The following TRPM6 variants were observed in gnomAD, a reference collection of about 807,000 sequenced individuals.
TRPM6 encodes the protein transient receptor potential cation channel subfamily M member 6.
TRPM6 carries 111 observed loss-of-function variants against 247.6 expected under a neutral mutation model. That is an observed-to-expected ratio of 0.45 (90% confidence interval 0.38 to 0.52). The LOEUF is 0.52. Ranked by LOEUF, TRPM6 falls within the 20% of genes least tolerant of loss-of-function variation. The pLI is 0.00. For synonymous variants in TRPM6, 892 were observed against 853.8 expected (o/e 1.04, Z -0.78); for missense variants, 2,126 against 2,421.5 (o/e 0.88, Z 2.56).
At chr9:74,878,081 C>T (rs1005118009) in intron 1 of TRPM6, among the ~76,000 whole-genome samples, 2 of 152,182 alleles carry the variant, frequency 1.3e-5, no homozygotes, top group African/African-American at 4.8e-5. Flanking sequence ...CTGCCACCAA[C>T]ACCACAGCTG....
At chr9:74,877,535 C>G (rs1831231424) in intron 1 of TRPM6, among the ~76,000 whole-genome samples, 1 of 152,134 alleles carries the variant, frequency 6.6e-6, no homozygotes, top group African/African-American at 2.4e-5. Context: ...CACCACCAGA[C>G]TGCATCCTAT....
At chr9:74,750,241 GA>G (rs994298330) in intron 30 of TRPM6, among the ~76,000 whole-genome samples, 59 of 152,138 alleles carry the variant, frequency 3.9e-4, no homozygotes, top group African/African-American at 1.4e-3. Flanking sequence ...AAACTAAAAG[GA>G]AAAAATAATT....
rs1487941794 is a variant in TRPM6, at chr9:74,887,903, C to G, written c.-47G>C. On this transcript the variant is annotated 5_prime_UTR_variant, in exon 1 of 39. Transcript: ENST00000360774. Reference sequence around the variant, plus strand: ...CCCAAAGCCCTGTCTGAGCTTTTAACTGTGGAGGCAGAAACTCTGGGCTCC... The same window carrying G: ...CCCAAAGCCCTGTCTGAGCTTTTAAGTGTGGAGGCAGAAACTCTGGGCTCC... 4 of 1,612,700 alleles carry G rather than the reference C, an allele frequency of 2.5e-6. No individual in the cohort carries two copies. The highest frequency in any genetic ancestry group is 3.3e-5 in the Admixed American group (2 of 59,992).
intron 4 of TRPM6, 48 bp downstream of exon 4, chr9:74,842,112 GAAAAAA>G: frequency 1.4e-6 from 2 of 1,398,040 alleles, no homozygotes; most frequent in African/African-American, 1.7e-5. Flanking sequence ...ACCCCGTCTC[GAAAAAA>G]AAAAAAAAAG....
At position 74,812,200 on chromosome 9, in the gene TRPM6, T is replaced by C. The variant is rs889278225; in HGVS notation, c.1443+99A>G. ...ATAGGGAAGTCCAGCTACTTCTAAT[T>C]TCCTCAGATAAGGAGTTTTGCCTCT... On this transcript the variant is annotated intron_variant, in intron 12 of 38. Coordinates refer to ENST00000360774, the MANE Select transcript of TRPM6 (RefSeq NM_017662.5). 2.0e-6 allele frequency: 3 copies of C among 1,507,390 alleles called. No homozygotes were observed. The Admixed American group carries it at 5.0e-5, about 25-fold the overall frequency. The allele number at this position is 1,507,390 out of a possible 1,614,324, so 93.4% of individuals were successfully genotyped here.
Position 74,743,809 on chromosome 9 carries a change from C to T in TRPM6, c.5134+286G>A, listed in dbSNP as rs566184308. Among the ~76,000 whole-genome samples the T allele has an allele frequency of 3.3e-5, 5 of 152,234 alleles. No homozygotes were observed. In the East Asian group the frequency reaches 7.7e-4, roughly 24 times the overall value. ...ATCTCTGGCTTGGGGCTGCTTTGAGCGTGCAAAGAATTTTTAGATTTCAAG... is the reference window on the plus strand; with the variant it reads ...ATCTCTGGCTTGGGGCTGCTTTGAGTGTGCAAAGAATTTTTAGATTTCAAG... On this transcript the variant is annotated intron_variant, in intron 32 of 38. Coordinates refer to ENST00000360774, the MANE Select transcript of TRPM6 (RefSeq NM_017662.5).
At chr9:74,729,300 C>A (rs537741715) in intron 37 of TRPM6, among the ~76,000 whole-genome samples, 1 of 152,210 alleles carries the variant, frequency 6.6e-6, no homozygotes, top group Non-Finnish European at 1.5e-5. Flanking sequence ...ATAAACTTCG[C>A]TTCTAAGGAA....
In TRPM6 at chr9:74,724,609, CT is replaced by C. The variant is rs757876061; in HGVS notation, c.*3del. On this transcript the variant is annotated 3_prime_UTR_variant, in exon 39 of 39. Coordinates refer to ENST00000360774, the MANE Select transcript of TRPM6 (RefSeq NM_017662.5). The stretch of plus-strand genomic sequence containing the variant: ...AGCACTGGGATCTTCTTGCTCCTCC[CT>C]TTTTATAGTTGCATATCATCTTCTG... The C allele has an allele frequency of 2.0e-5, 33 of 1,614,018 alleles. No homozygotes were observed. The highest frequency in any genetic ancestry group is 1.7e-4 in the Middle Eastern group (1 of 6,060).
chr9:74,858,576 C>A, intron 2 of TRPM6, 93 bp downstream of exon 2: 2 of 763,564 alleles, frequency 2.6e-6, no homozygotes, highest in South Asian at 1.9e-5. Context: ...TAGATATGAT[C>A]AAAACTTCTA....
At position 74,752,385 on chromosome 9, in the gene TRPM6, G is replaced by C; in HGVS notation, c.4907-17C>G. On this transcript the variant is annotated splice_polypyrimidine_tract_variant and intron_variant, in intron 28 of 38. Coordinates refer to ENST00000360774, the MANE Select transcript of TRPM6 (RefSeq NM_017662.5). ...GTTCTACACCTTGTAAAGAGGAAGA[G>C]AAAGATTAGAAAATACATGAAAATG... is the stretch of plus-strand genomic sequence containing the variant. The C allele has an allele frequency of 7.3e-7, 1 of 1,363,706 alleles. No individual in the cohort carries two copies. Among genetic ancestry groups the C allele is most frequent in the Non-Finnish European group, 1.0e-6 (1 of 968,006 alleles). The allele number at this position is 1,363,706 out of a possible 1,614,324, so 84.5% of individuals were successfully genotyped here.
chr9:74,879,570 T>C (rs1002947254), intron 1 of TRPM6, among the ~76,000 whole-genome samples: 73 of 152,226 alleles, frequency 4.8e-4, no homozygotes, highest in African/African-American at 1.1e-3. Context: ...TCCTTTCTGA[T>C]TGTGGGCCTT....
chr9:74,774,119 A>G (rs1036713692), intron 24 of TRPM6, among the ~76,000 whole-genome samples: 1 of 152,214 alleles, frequency 6.6e-6, no homozygotes, highest in Non-Finnish European at 1.5e-5. Context: ...TATCCTCAAT[A>G]TAAAGGATCA....
At chr9:74,848,587 CCTT>C (rs1830181875) in intron 3 of TRPM6, among the ~76,000 whole-genome samples, 1 of 152,146 alleles carries the variant, frequency 6.6e-6, no homozygotes, top group Admixed American at 6.6e-5. Flanking sequence ...TGGGACTACT[CCTT>C]CCAAATTTCT....
rs368746098 is a variant in TRPM6, at chr9:74,742,629, G to A, written c.5135-3C>T. ...CATTAAATTATTCCTTTCAATGGCT[G>A]CAAACAAAAACAGATTTTCTATTTT... On this transcript the variant is annotated splice_polypyrimidine_tract_variant and splice_region_variant and intron_variant, in intron 32 of 38. Coordinates refer to ENST00000360774, the MANE Select transcript of TRPM6 (RefSeq NM_017662.5). 8 of 1,613,388 alleles carry A rather than the reference G, an allele frequency of 5.0e-6. No homozygotes were observed. Among genetic ancestry groups the A allele is most frequent in the South Asian group, 2.2e-5 (2 of 91,064 alleles).
At chr9:74,768,022 C>T (rs1225841674) in intron 25 of TRPM6, among the ~76,000 whole-genome samples, 2 of 152,084 alleles carry the variant, frequency 1.3e-5, no homozygotes, top group Admixed American at 6.6e-5. Flanking sequence ...CGGTACATAT[C>T]CATTTAATTT....
rs1026086582 is a variant in TRPM6 at position 74,837,403 on chromosome 9, A to T, written c.544+2621T>A. Among the ~76,000 whole-genome samples the T allele has an allele frequency of 7.9e-5, 12 of 151,654 alleles. 1 individual carries two copies. Among genetic ancestry groups the T allele is most frequent in the Admixed American group, 6.6e-4 (10 of 15,240 alleles). On this transcript the variant is annotated intron_variant, in intron 5 of 38. Transcript: ENST00000360774. ...TCCTTAAGTAGCCAGGCCATAGAGG[A>T]GCTGTGGTTGAATCAGGTTAGCCTG...
chr9:74,883,163 T>G (rs1831418261), intron 1 of TRPM6, among the ~76,000 whole-genome samples: 1 of 152,206 alleles, frequency 6.6e-6, no homozygotes, highest in African/African-American at 2.4e-5. Flanking sequence ...TCCTCAAGGT[T>G]CATCCATGTT....
At chr9:74,807,888 T>C in intron 14 of TRPM6, 146 bp downstream of exon 14, 2 of 902,816 alleles carry the variant, frequency 2.2e-6, no homozygotes, top group Non-Finnish European at 3.6e-6. Context: ...TAGTACAGTA[T>C]ACTTCACATA....
At chr9:74,753,242 A>T (rs1467900646) in intron 28 of TRPM6, among the ~76,000 whole-genome samples, 1 of 152,154 alleles carries the variant, frequency 6.6e-6, no homozygotes, top group East Asian at 1.9e-4. Flanking sequence ...GTTACTACAT[A>T]TAGTAGATGC....
Sources: allele counts gnomAD v4.1 joint callset (sites outside exome capture counted in the v4.1 genomes callset), GRCh38; gene constraint gnomAD v4.1.1; transcripts MANE v1.5; gene names NCBI Gene and HGNC (gene_info 2026-07-23, HGNC 2026-07-21).